Variants in USP30 observed in about 807,000 individuals in gnomAD.
USP30 encodes ubiquitin carboxyl-terminal hydrolase 30.
In USP30, 41 loss-of-function variants were observed where a neutral mutation model predicts 68.2. That is an observed-to-expected ratio of 0.60 (90% CI 0.47 to 0.78). The LOEUF is 0.78. Ranked by LOEUF, USP30 falls within the 30% of genes least tolerant of loss-of-function variation. The pLI is 0.00. For missense variants in USP30, 522 were observed against 649.4 expected (o/e 0.80, Z 2.13); for synonymous variants, 229 against 253.7 (o/e 0.90, Z 0.93).
intron 7 of USP30, among the ~76,000 whole-genome samples, chr12:109,080,078 A>G (rs1566104176): frequency 6.6e-6 from 1 of 152,176 alleles, no homozygotes; most frequent in Non-Finnish European, 1.5e-5. Context: ...TTTAGCTTCC[A>G]GCTGCTACTT....
intron 4 of USP30, among the ~76,000 whole-genome samples, chr12:109,071,367 G>A (rs1236233340): frequency 1.3e-5 from 2 of 152,232 alleles, no homozygotes; most frequent in Non-Finnish European, 1.5e-5. Context: ...TGGTCTCATA[G>A]ACTGCTGGCG....
chr12:109,083,261 A>C (rs1182295480), intron 11 of USP30, among the ~76,000 whole-genome samples, 199 bp downstream of exon 11: 2 of 152,244 alleles, frequency 1.3e-5, no homozygotes, highest in Admixed American at 1.3e-4. Flanking sequence ...AGTGAGATGT[A>C]TCGTTTTTGA....
intron 3 of USP30, among the ~76,000 whole-genome samples, chr12:109,037,911 A>G (rs2040533036): frequency 2.0e-5 from 3 of 152,166 alleles, no homozygotes; most frequent in Admixed American, 6.5e-5. Flanking sequence ...CTGAGCATGT[A>G]GAGAGTGCTG....
At chr12:109,023,665 T>G in intron 1 of USP30, among the ~76,000 whole-genome samples, 1 of 128,928 alleles carries the variant, frequency 7.8e-6, no homozygotes, top group Admixed American at 8.7e-5. Context: ...ACAGAGTCTC[T>G]CTCTGTCACC....
At chr12:109,063,878 CTTT>C (rs1341130766) in intron 3 of USP30, among the ~76,000 whole-genome samples, 4 of 127,262 alleles carry the variant, frequency 3.1e-5, no homozygotes, top group Non-Finnish European at 5.0e-5. Context: ...AATTGGGTTT[CTTT>C]TTTTTTTTTT....
intron 3 of USP30, among the ~76,000 whole-genome samples, chr12:109,046,483 G>A (rs973394773): frequency 6.6e-6 from 1 of 151,654 alleles, no homozygotes; most frequent in Non-Finnish European, 1.5e-5. Flanking sequence ...CTATTTGGAG[G>A]GCAAGCTATT....
intron 11 of USP30, among the ~76,000 whole-genome samples, chr12:109,084,189 C>T (rs952846567): frequency 6.6e-6 from 1 of 152,184 alleles, no homozygotes; most frequent in African/African-American, 2.4e-5. Context: ...GATCACACCA[C>T]TGTGCTCCAG....
intron 3 of USP30, among the ~76,000 whole-genome samples, chr12:109,047,282 A>G (rs915755513): frequency 6.6e-6 from 1 of 152,086 alleles, no homozygotes; most frequent in Non-Finnish European, 1.5e-5. Context: ...TCAACCCACA[A>G]ACTTGTCTGG....
At chr12:109,078,055 C>T (rs1158092335) in intron 7 of USP30, among the ~76,000 whole-genome samples, 2 of 152,164 alleles carry the variant, frequency 1.3e-5, no homozygotes, top group African/African-American at 2.4e-5. Flanking sequence ...GGATATATAC[C>T]TGGAAGTGGT....
chr12:109,066,774 C>T (rs1465439045), intron 3 of USP30, among the ~76,000 whole-genome samples: 1 of 152,008 alleles, frequency 6.6e-6, no homozygotes, highest in African/African-American at 2.4e-5. Context: ...AACTCAAATA[C>T]AAACAAATAC....
In USP30 at chr12:109,085,655, CG is replaced by C. The variant is rs1566109830; in HGVS notation, c.1290-11del. On this transcript the variant is annotated splice_polypyrimidine_tract_variant and intron_variant, in intron 12 of 12. Coordinates refer to ENST00000257548, the MANE Select transcript of USP30 (RefSeq NM_032663.5). ...AAATTGTAAACCCCTGACATGTGTTCGTATCATTCAGCTCCTCCACATACCT... is the reference window on the plus strand; with the variant it reads ...AAATTGTAAACCCCTGACATGTGTTCTATCATTCAGCTCCTCCACATACCT... The C allele has an allele frequency of 3.7e-6, 6 of 1,613,036 alleles. No individual in the cohort carries two copies. The South Asian group carries it at 6.6e-5, about 18-fold the overall frequency.
chr12:109,057,677 T>C (rs2040918966), intron 2 of USP30, among the ~76,000 whole-genome samples: 2 of 152,218 alleles, frequency 1.3e-5, no homozygotes, highest in African/African-American at 4.8e-5. Context: ...CTGTGCTGGA[T>C]ACCATGATAG....
At position 109,082,965 on chromosome 12, in the gene USP30, C is replaced by T. The variant is rs2041846666; in HGVS notation, c.1071C>T (p.His357=). The T allele has an allele frequency of 6.2e-7, 1 of 1,614,130 alleles. No homozygotes were observed. The highest frequency in any genetic ancestry group is 1.7e-5 in the Admixed American group (1 of 60,018). Residue 357 remains histidine (H), a synonymous_variant, in exon 11 of 13, where the codon CAC becomes CAT. Transcript: ENST00000257548. ...TGATGATGGACATTTACAAGTACCA[C>T]CTCCTTGGACATAAACCTAGTCAAC... ...EFLMMDIYKY[H]LLGHKPSQHN... is the part of the protein sequence containing the mutation.
intron 2 of USP30, among the ~76,000 whole-genome samples, chr12:109,026,442 T>C (rs2040445931): frequency 6.6e-6 from 1 of 151,906 alleles, no homozygotes; most frequent in Non-Finnish European, 1.5e-5. Flanking sequence ...CAAAATATCA[T>C]AGTCTTGGTG....
intron 6 of USP30, 52 bp downstream of exon 6, chr12:109,072,402 T>C (rs772529029): frequency 2.6e-6 from 4 of 1,558,536 alleles, no homozygotes; most frequent in African/African-American, 1.4e-5. Flanking sequence ...TTTTAAGATA[T>C]GATAATAATT....
chr12:109,026,642 A>AT (rs1291798772), intron 2 of USP30, among the ~76,000 whole-genome samples: 1 of 149,208 alleles, frequency 6.7e-6, no homozygotes, highest in Admixed American at 6.7e-5. Context: ...TAATTTTTGT[A>AT]TTTTTTCTGG....
At chr12:109,031,403 A>T (rs545833452) in intron 3 of USP30, among the ~76,000 whole-genome samples, 1 of 152,334 alleles carries the variant, frequency 6.6e-6, no homozygotes, top group South Asian at 2.1e-4. Flanking sequence ...ATTCAGCTGT[A>T]TGAGGTATAG....
At chr12:109,078,467 T>C (rs1298961405) in intron 7 of USP30, among the ~76,000 whole-genome samples, 1 of 149,910 alleles carries the variant, frequency 6.7e-6, no homozygotes, top group Non-Finnish European at 1.5e-5. Context: ...TTCCCACCAG[T>C]AGTATGCAAG....
chr12:109,082,432 T>C, intron 9 of USP30: 1 of 569,530 alleles, frequency 1.8e-6, no homozygotes, highest in Non-Finnish European at 3.1e-6. Context: ...CATGCCAGTG[T>C]CAGAGCATCA....
Sources: gnomAD v4.1 joint callset for allele counts (sites outside exome capture counted in the v4.1 genomes callset) on GRCh38, gnomAD v4.1.1 for gene constraint, MANE v1.5 for transcripts, NCBI Gene and HGNC (gene_info 2026-07-23, HGNC 2026-07-21) for gene names.